NXF1: variants seen among roughly 807,000 people sequenced by gnomAD.
The protein encoded by NXF1 is mRNA export factor TAP.
NXF1 carries 43 observed loss-of-function variants against 92.4 expected under a neutral mutation model. That is an observed-to-expected ratio of 0.47 (90% CI 0.36 to 0.60). The LOEUF is 0.60. Ranked by LOEUF, NXF1 falls within the 20% of genes least tolerant of loss-of-function variation. The pLI is 0.00. For synonymous variants in NXF1, 288 were observed against 292.2 expected, an observed-to-expected ratio of 0.99 and a Z score of 0.15; for missense variants, 576 against 793.0, an observed-to-expected ratio of 0.73 and a Z score of 3.29.
rs939473524 is a variant in NXF1, at chr11:62,803,832, C to T, written c.175G>A (p.Val59Met). ...CCATCCTGGGCATCACTCATTGCCA[C>T]ATCTCCATCATCTTCCTCAAGGCGG... The part of the protein sequence containing the change: ...SSRLEEDDGD[V>M]AMSDAQDGPR... The change falls in exon 2 of 21, where the codon GTG becomes ATG. Residue 59 changes from valine (V) to methionine (M), a missense_variant. Val to Met is a conservative substitution (Grantham distance 21). Coordinates refer to ENST00000294172, the MANE Select transcript of NXF1 (RefSeq NM_006362.5). 1.2e-6 allele frequency: 2 copies of T among 1,614,066 alleles called. No homozygotes were observed. Among genetic ancestry groups the T allele is most frequent in the African/African-American group, 1.3e-5 (1 of 74,910 alleles).
chr11:62,799,064 C>CAAAGGAATAAG (rs2084450981), intron 10 of NXF1: 1 of 989,458 alleles, frequency 1.0e-6, no homozygotes, highest in Non-Finnish European at 1.2e-6. Flanking sequence ...AGAGGAGAGG[C>CAAAGGAATAAG]AAAGGAATAA....
At position 62,804,252 on chromosome 11, in the gene NXF1, A is replaced by G. The variant is rs1238623219; in HGVS notation, c.29-274T>C. On this transcript the variant is annotated intron_variant, in intron 1 of 20. Transcript: ENST00000294172. ...GCAGGATGTAGAAATGTGAGACCCA[A>G]AAGTGTAACTGAACACAAATCAGAC... 4 of 1,419,596 alleles carry G rather than the reference A, an allele frequency of 2.8e-6. No homozygotes were observed. The South Asian group carries it at 5.0e-5, about 18-fold the overall frequency. The allele number at this position is 1,419,596 out of a possible 1,614,324, so 87.9% of individuals were successfully genotyped here. A position where few individuals can be genotyped will look rare whatever the true frequency, so the allele number is the denominator to read the frequency against.
intron 19 of NXF1, among the ~76,000 whole-genome samples, chr11:62,793,661 A>C (rs2084389918): frequency 6.6e-6 from 1 of 151,266 alleles, no homozygotes; most frequent in Non-Finnish European, 1.5e-5. Context: ...TGGGCATCAG[A>C]GTGAGACCCT....
In NXF1 at chr11:62,796,092, A is replaced by G. The variant is rs755841238; in HGVS notation, c.1435T>C (p.Phe479Leu). 2 of 1,613,712 alleles carry G rather than the reference A, an allele frequency of 1.2e-6. No homozygotes were observed. Among genetic ancestry groups the G allele is most frequent in the Admixed American group, 1.7e-5 (1 of 59,962 alleles). The change falls in exon 16 of 21, where the codon TTC (phenylalanine) becomes CTC (leucine). Residue 479 changes from phenylalanine (F) to leucine (L), a missense_variant. Physicochemically the swap from Phe to Leu is conservative, Grantham distance 22. Transcript: ENST00000294172. Reference protein sequence around the residue: ...LPKTQHDVNSFVVDISAQTST... With the variant: ...LPKTQHDVNSLVVDISAQTST... ...GTCTGGGCGCTTATGTCTACCACGA[A>G]GGAATTGACGTCGTGCTGGGTTTTG...
At position 62,797,237 on chromosome 11, in the gene NXF1, C is replaced by T; in HGVS notation, c.1124G>A (p.Gly375Glu). 6.2e-7 allele frequency: 1 copy of T among 1,614,158 alleles called. No homozygotes were observed. Among genetic ancestry groups the T allele is most frequent in the South Asian group, 1.1e-5 (1 of 91,080 alleles). ...EAPTTLPPCK[G>E]SYFGTENLKS... is the part of the protein sequence containing the mutation. ...CAAGTTTTCTGTTCCAAAATAGCTTCCCTGAAATCAAACAGGTATTAGGAA... is the reference window on the plus strand; with the variant it reads ...CAAGTTTTCTGTTCCAAAATAGCTTTCCTGAAATCAAACAGGTATTAGGAA... Residue 375 changes from glycine to glutamate, a missense_variant and splice_region_variant, in exon 13 of 21, where the codon GGA (glycine) becomes GAA (glutamate). By Grantham distance (98) the Gly-to-Glu change is moderately conservative. This residue lies in a region of NXF1 where 425 missense variants were observed against 635.2 expected (regional missense o/e 0.67). Transcript: ENST00000294172.
intron 19 of NXF1, among the ~76,000 whole-genome samples, chr11:62,793,819 T>TAAA (rs56389050): frequency 8.1e-5 from 7 of 86,498 alleles, no homozygotes; most frequent in East Asian, 3.2e-4. Context: ...CCGTCTCTAC[T>TAAA]AAAAAAAAAA....
rs1188019143 is a variant in NXF1, at chr11:62,796,476, G to A, written c.1270C>T (p.Pro424Ser). The A allele has an allele frequency of 1.9e-6, 3 of 1,614,038 alleles. No homozygotes were observed. The highest frequency in any genetic ancestry group is 1.7e-5 in the Admixed American group (1 of 59,998). ...GATACTAACCGGGCAGGGTTCTGAG[G>A]AATGAAAGGAATGCTCAGGGAACAG... ...ACCSLSIPFIPQNPARSSLAE... is the reference protein window; with the variant it reads ...ACCSLSIPFISQNPARSSLAE... The change falls in exon 14 of 21, where the codon CCT becomes TCT. Residue 424 changes from proline to serine, a missense_variant. By Grantham distance (74) the Pro-to-Ser change is moderately conservative (BLOSUM62 -1). Transcript: ENST00000294172.
Position 62,800,552 on chromosome 11 carries a change from C to G in NXF1, c.907-66G>C, listed in dbSNP as rs2084467869. On this transcript the variant is annotated intron_variant, in intron 9 of 20. Transcript: ENST00000294172. ...AAGACAGCCAGCTGGCTCCCCATAC[C>G]CCCAGTCCCTACGCTTAGCTCTGAG... is the stretch of plus-strand genomic sequence containing the variant. 14 of 1,053,434 alleles carry G rather than the reference C, an allele frequency of 1.3e-5. No homozygotes were observed. The East Asian group carries it at 3.3e-4, about 25-fold the overall frequency. The allele number at this position is 1,053,434 out of a possible 1,614,324, so 65.3% of individuals were successfully genotyped here.
At chr11:62,794,706 T>G (rs1590949167) in intron 18 of NXF1, 2 of 587,450 alleles carry the variant, frequency 3.4e-6, no homozygotes, top group Non-Finnish European at 6.0e-6. Context: ...TATATGAATT[T>G]TCAGATGAGG....
intron 10 of NXF1, chr11:62,798,842 C>G (rs2084448502): frequency 1.6e-6 from 2 of 1,273,348 alleles, no homozygotes; most frequent in Middle Eastern, 3.0e-4. Context: ...AGGCTTTAAG[C>G]CCAGGACCTC....
At chr11:62,805,171 C>CA in intron 1 of NXF1, 158 bp downstream of exon 1, 1 of 550,778 alleles carries the variant, frequency 1.8e-6, no homozygotes, top group Non-Finnish European at 2.9e-6. Flanking sequence ...CAGGAGTCAA[C>CA]AACTCGGGTG....
At chr11:62,797,066 CA>C (rs1160921166) in intron 13 of NXF1, 116 bp downstream of exon 13, 43,967 of 597,180 alleles carry the variant, frequency 0.074, 2 homozygotes, top group East Asian at 0.085. Context: ...AGACACTGTC[CA>C]AAAAAAAAAA....
Position 62,795,134 on chromosome 11 carries a change from G to A in NXF1, c.1505-127C>T, listed in dbSNP as rs557574120. Reference sequence around the variant, plus strand: ...AGAGAGGAATGATTAAGTATATAAGGGTATAAGGGAAGCACAGGTGGGGTG... The same window carrying A: ...AGAGAGGAATGATTAAGTATATAAGAGTATAAGGGAAGCACAGGTGGGGTG... On this transcript the variant is annotated intron_variant, in intron 17 of 20. Transcript: ENST00000294172. 93 of 871,394 alleles carry A rather than the reference G, an allele frequency of 1.1e-4. No homozygotes were observed. The African/African-American group carries it at 1.2e-3, about 11-fold the overall frequency. 54.0% of individuals were successfully genotyped at this position (871,394 alleles called of 1,614,324 possible).
chr11:62,796,175 C>T lies in NXF1; in HGVS notation c.1352G>A (p.Arg451Gln), dbSNP rs763597745. 1.2e-6 allele frequency: 2 copies of T among 1,614,110 alleles called. No individual in the cohort carries two copies. Among genetic ancestry groups the T allele is most frequent in the South Asian group, 1.1e-5 (1 of 91,074 alleles). ...ACGCGTGTGCTTCAGCAGCCGGAACCGCAAGGCTGTGGGTAGAGGAGAAAG... is the reference window on the plus strand; with the variant it reads ...ACGCGTGTGCTTCAGCAGCCGGAACTGCAAGGCTGTGGGTAGAGGAGAAAG... Reference protein sequence around the residue: ...NVKKLKDPTLRFRLLKHTRLN... With the variant: ...NVKKLKDPTLQFRLLKHTRLN... Residue 451 changes from arginine to glutamine, a missense_variant, in exon 16 of 21, where the codon CGG becomes CAG. Physicochemically the swap from Arg to Gln is conservative, Grantham distance 43. Coordinates refer to ENST00000294172, the MANE Select transcript of NXF1 (RefSeq NM_006362.5).
At position 62,803,912 on chromosome 11, in the gene NXF1, T is replaced by A; in HGVS notation, c.95A>T (p.Lys32Ile). The A allele has an allele frequency of 6.2e-7, 1 of 1,614,176 alleles. No individual in the cohort carries two copies. Residue 32 changes from lysine (K) to isoleucine (I), a missense_variant, in exon 2 of 21, where the codon AAA becomes ATA. Around this residue, in one of 2 missense-constraint regions of NXF1, gnomAD observed 151 missense variants for 157.8 expected, o/e 0.96. Transcript: ENST00000294172. ...KKKGRGPFRW[K>I]YGEGNRRSGR... Reference sequence around the variant, plus strand: ...AGACCTACGGTTTCCTTCACCATATTTCCACCGGAAGGGACCCCGGCCTTT... The same window carrying A: ...AGACCTACGGTTTCCTTCACCATATATCCACCGGAAGGGACCCCGGCCTTT...
At chr11:62,805,027 A>T (rs2084519547) in intron 1 of NXF1, 2 of 316,900 alleles carry the variant, frequency 6.3e-6, no homozygotes. Flanking sequence ...CTCACATTAA[A>T]GGAAGAGTCA....
chr11:62,803,955 A>T lies in NXF1; in HGVS notation c.52T>A (p.Phe18Ile). ...CGGCCTTTCTTCTTTCTTTGAGGGA[A>T]ATTAACGCGTTCATCATCGTGTTCT... is the stretch of plus-strand genomic sequence containing the variant. Reference protein sequence around the residue: ...YSEHDDERVNFPQRKKKGRGP... With the variant: ...YSEHDDERVNIPQRKKKGRGP... Residue 18 changes from phenylalanine (F) to isoleucine (I), a missense_variant, in exon 2 of 21, where the codon TTC becomes ATC. By Grantham distance (21) the Phe-to-Ile change is conservative (BLOSUM62 0). This residue lies in a region of NXF1 where 151 missense variants were observed against 157.8 expected (regional missense o/e 0.96). Coordinates refer to ENST00000294172, the MANE Select transcript of NXF1 (RefSeq NM_006362.5). 6.2e-7 allele frequency: 1 copy of T among 1,613,860 alleles called. No individual in the cohort carries two copies. Among genetic ancestry groups the T allele is most frequent in the Non-Finnish European group, 8.5e-7 (1 of 1,179,960 alleles).
At chr11:62,800,345 C>T (rs368552636) in intron 10 of NXF1, 32 bp downstream of exon 10, 5 of 1,613,636 alleles carry the variant, frequency 3.1e-6, no homozygotes, top group Non-Finnish European at 3.4e-6. Flanking sequence ...GGGTGAAGGT[C>T]CCCAGGAGGG....
At chr11:62,796,604 G>A (rs2084422834) in intron 13 of NXF1, 37 bp from the exon 14 acceptor site, 1 of 1,411,972 alleles carries the variant, frequency 7.1e-7, no homozygotes, top group Non-Finnish European at 1.0e-6. Context: ...TGGGCTCTGT[G>A]GTCTACAGCC....
Sources: gnomAD v4.1 joint callset for allele counts (sites outside exome capture counted in the v4.1 genomes callset) on GRCh38, gnomAD v4.1.1 for gene constraint, gnomAD v4.1.1 regional missense constraint, MANE v1.5 for transcripts, NCBI Gene and HGNC (gene_info 2026-07-23, HGNC 2026-07-21) for gene names.